FNBP1: variants seen among roughly 807,000 people sequenced by gnomAD.
FNBP1 encodes formin binding protein 1, also known as formin-binding protein 1.
FNBP1 carries 26 observed loss-of-function variants against 90.6 expected under a neutral mutation model. The observed-to-expected ratio is 0.29, with a 90% confidence interval of 0.21 to 0.40. FNBP1 has a LOEUF of 0.40. FNBP1 is among the 10% of genes least tolerant of loss of function. The probability of loss-of-function intolerance (pLI) is 1.00; values close to 1 mark genes in which losing one functional copy is unlikely to be tolerated. For missense variants in FNBP1, 635 were observed against 768.0 expected (o/e 0.83, Z 2.05); for synonymous variants, 260 against 265.2 (o/e 0.98, Z 0.19).
intron 16 of FNBP1, chr9:129,895,341 G>GA: frequency 9.4e-7 from 1 of 1,066,346 alleles, no homozygotes; most frequent in South Asian, 4.6e-5. Context: ...CCTCCCAAGT[G>GA]AATGAGTATA....
At chr9:129,996,240 G>A (rs1564530767) in intron 1 of FNBP1, among the ~76,000 whole-genome samples, 1 of 152,200 alleles carries the variant, frequency 6.6e-6, no homozygotes, top group Non-Finnish European at 1.5e-5. Context: ...AAGTGAGTAG[G>A]TGGATCTCAA....
At chr9:129,905,294 G>GTGTATATATATATATATATATA (rs374989661) in intron 12 of FNBP1, among the ~76,000 whole-genome samples, 4 of 132,334 alleles carry the variant, frequency 3.0e-5, no homozygotes, top group South Asian at 2.5e-4. Flanking sequence ...GTGTGTGTGT[G>GTGTATATATATATATATATATA]TATATATATA....
intron 16 of FNBP1, 37 bp downstream of exon 16, chr9:129,895,799 GTT>G (rs71738364): frequency 1.3e-5 from 18 of 1,357,750 alleles, no homozygotes; most frequent in South Asian, 4.5e-5. Context: ...TTTTTTTTAA[GTT>G]TTTTTTTTTT....
chr9:130,043,070 G>C lies in FNBP1; in HGVS notation c.-95C>G. On this transcript the variant is annotated 5_prime_UTR_variant, in exon 1 of 17. Coordinates refer to ENST00000446176, the MANE Select transcript of FNBP1 (RefSeq NM_015033.3). ...CTTTGCCCCCCGAGATCCCCGCGAC[G>C]GCGGAAAGCCCGGAGTCCGCGCGGC... 1 of 1,161,872 alleles carries C rather than the reference G, an allele frequency of 8.6e-7. No individual in the cohort carries two copies. The highest frequency in any genetic ancestry group is 1.1e-6 in the Non-Finnish European group (1 of 927,210). 72.0% of individuals were successfully genotyped at this position (1,161,872 alleles called of 1,614,324 possible). A position where few individuals can be genotyped will look rare whatever the true frequency, so the allele number is the denominator to read the frequency against.
chr9:129,904,914 T>C (rs1015983737), intron 12 of FNBP1, among the ~76,000 whole-genome samples: 1 of 152,308 alleles, frequency 6.6e-6, no homozygotes, highest in East Asian at 1.9e-4. Context: ...GTTAAATAAA[T>C]ACATATTTAA....
intron 16 of FNBP1, chr9:129,895,331 C>T: frequency 9.4e-7 from 1 of 1,060,154 alleles, no homozygotes; most frequent in Non-Finnish European, 1.1e-6. Flanking sequence ...CTTGTGACTT[C>T]CTCCCAAGTG....
chr9:130,053,834 C>A, the FNBP1 span: 2 of 1,182,106 alleles, frequency 1.7e-6, no homozygotes, highest in Non-Finnish European at 2.4e-6. Flanking sequence ...GTCAGCGGAG[C>A]TAGCCGCCGA....
chr9:130,046,515 T>C (rs1181348750), upstream of FNBP1, among the ~76,000 whole-genome samples: 1 of 135,530 alleles, frequency 7.4e-6, no homozygotes, highest in African/African-American at 2.8e-5. Flanking sequence ...AGGCAGATCA[T>C]CCGAGGTCAG....
At chr9:130,000,795 G>A (rs868576622) in intron 1 of FNBP1, among the ~76,000 whole-genome samples, 5 of 152,114 alleles carry the variant, frequency 3.3e-5, no homozygotes, top group South Asian at 2.1e-4. Flanking sequence ...TTGAGAAAAT[G>A]TTTGCCAGAT....
In FNBP1 at chr9:130,011,215, C is replaced by CA. The variant is rs1192541205; in HGVS notation, c.25-16258dup. Reference sequence around the variant, plus strand: ...TGGGTGACAGAGTGAGACTCCATCTCAAAAAAAAAAAAAAAAAAAAAAAAA... The same window carrying CA: ...TGGGTGACAGAGTGAGACTCCATCTCAAAAAAAAAAAAAAAAAAAAAAAAAA... On this transcript the variant is annotated intron_variant, in intron 1 of 16. Coordinates refer to ENST00000446176, the MANE Select transcript of FNBP1 (RefSeq NM_015033.3). Among the ~76,000 whole-genome samples, 43 of 13,420 alleles carry CA rather than the reference C, an allele frequency of 3.2e-3. 8 individuals are homozygous for CA. Among genetic ancestry groups the CA allele is most frequent in the Admixed American group, 8.3e-3 (5 of 604 alleles). 8.8% of individuals were successfully genotyped at this position (13,420 alleles called of 152,430 possible).
chr9:130,022,669 C>CTT (rs935789341), intron 1 of FNBP1, among the ~76,000 whole-genome samples: 1 of 147,450 alleles, frequency 6.8e-6, no homozygotes, highest in Non-Finnish European at 1.5e-5. Context: ...AACACTCGCT[C>CTT]TTTTTTTTTT....
At position 129,910,469 on chromosome 9, in the gene FNBP1, G is replaced by A. The variant is rs192253194; in HGVS notation, c.1186-1470C>T. 5.8e-3 allele frequency among the ~76,000 whole-genome samples: 632 copies of A among 108,860 alleles called. 6 individuals carry two copies. The highest frequency in any genetic ancestry group is 0.021 in the African/African-American group (597 of 28,912). The allele number at this position is 108,860 out of a possible 152,430, so 71.4% of individuals were successfully genotyped here. On this transcript the variant is annotated intron_variant, in intron 11 of 16. Coordinates refer to ENST00000446176, the MANE Select transcript of FNBP1 (RefSeq NM_015033.3). ...TGTACTCCAGCCTGGGCGACAATGC[G>A]AGACTCCATCTCAAAAAAACAAAAA... is the stretch of plus-strand genomic sequence containing the variant.
intron 4 of FNBP1, among the ~76,000 whole-genome samples, chr9:129,977,318 C>G (rs1216874675): frequency 2.6e-5 from 4 of 152,048 alleles, no homozygotes; most frequent in African/African-American, 4.8e-5. Context: ...CTTTGAGCAT[C>G]CATTTTTCTC....
At chr9:130,002,138 G>A (rs1024324934) in intron 1 of FNBP1, among the ~76,000 whole-genome samples, 2 of 151,732 alleles carry the variant, frequency 1.3e-5, no homozygotes, top group Non-Finnish European at 2.9e-5. Context: ...GCAGTGAGCC[G>A]AGATCGCGCC....
chr9:129,980,975 C>T (rs1481769419), intron 2 of FNBP1, among the ~76,000 whole-genome samples: 1 of 150,956 alleles, frequency 6.6e-6, no homozygotes, highest in Non-Finnish European at 1.5e-5. Flanking sequence ...GGCATGAATC[C>T]AGGAGGCGGA....
intron 8 of FNBP1, 108 bp downstream of exon 8, chr9:129,927,087 A>G (rs77014149): frequency 8.7e-7 from 1 of 1,149,268 alleles, no homozygotes; most frequent in Admixed American, 2.0e-5. Flanking sequence ...GACCACCAAA[A>G]GCAACCATCC....
In FNBP1 at chr9:129,929,636, T is replaced by C. The variant is rs1408677841; in HGVS notation, c.573A>G (p.Ser191=). Residue 191 remains serine (S), a synonymous_variant, in exon 7 of 17, where the codon TCA becomes TCG. Transcript: ENST00000446176. ...CATGGTTGAATTTCTGGAGAATGGA[T>C]GAGTAATCTGCTTTGCTGTCCTCTG... The part of the protein sequence containing the change: ...QMAEDSKADY[S]SILQKFNHEQ... The C allele has an allele frequency of 3.7e-6, 6 of 1,613,798 alleles. No homozygotes were observed. Among genetic ancestry groups the C allele is most frequent in the Non-Finnish European group, 4.2e-6 (5 of 1,179,706 alleles).
At chr9:129,916,884 G>A (rs1384892853) in intron 10 of FNBP1, among the ~76,000 whole-genome samples, 1 of 152,106 alleles carries the variant, frequency 6.6e-6, no homozygotes, top group Non-Finnish European at 1.5e-5. Context: ...TCGCAGCCAG[G>A]CTAGAGGCCA....
intron 1 of FNBP1, among the ~76,000 whole-genome samples, chr9:130,004,263 GAAA>G (rs11327035): frequency 7.3e-6 from 1 of 137,004 alleles, no homozygotes; most frequent in Non-Finnish European, 1.6e-5. Flanking sequence ...ACTCCATCTC[GAAA>G]AAAAAAAAAA....
Sources: gnomAD v4.1 joint callset for allele counts (sites outside exome capture counted in the v4.1 genomes callset) on GRCh38, gnomAD v4.1.1 for gene constraint, MANE v1.5 for transcripts, NCBI Gene and HGNC (gene_info 2026-07-23, HGNC 2026-07-21) for gene names.